GBE1: variants seen among roughly 807,000 people sequenced by gnomAD.
The protein encoded by GBE1 is 1,4-alpha-glucan branching enzyme 1, also known as 1,4-alpha-glucan-branching enzyme.
In GBE1, 70 loss-of-function variants were observed where a neutral mutation model predicts 88.8. That is an observed-to-expected ratio of 0.79 (90% CI 0.65 to 0.96). The LOEUF (loss-of-function observed/expected upper bound fraction) is 0.96, where lower values mean the gene tolerates loss of function less well. Among genes scored for constraint, GBE1 ranks in the 40% least tolerant of loss-of-function variants. The pLI is 0.00. For synonymous variants in GBE1, 284 were observed against 300.1 expected (o/e 0.95, Z 0.56); for missense variants, 872 against 871.0 (o/e 1.00, Z -0.01).
At chr3:81,649,034 T>G (rs1177953729) in intron 4 of GBE1, 43 bp from the exon 5 acceptor site, 1 of 1,338,002 alleles carries the variant, frequency 7.5e-7, no homozygotes. Flanking sequence ...CCAGGAATTC[T>G]GGTATGACAC....
intron 12 of GBE1, among the ~76,000 whole-genome samples, chr3:81,555,509 T>C (rs1361421904): frequency 6.6e-6 from 1 of 152,232 alleles, no homozygotes; most frequent in African/African-American, 2.4e-5. Context: ...ATTTTTGTCA[T>C]ATCTAACAGT....
At chr3:81,570,110 T>A (rs746051938) in intron 12 of GBE1, among the ~76,000 whole-genome samples, 3 of 152,168 alleles carry the variant, frequency 2.0e-5, no homozygotes, top group Non-Finnish European at 4.4e-5. Context: ...ATGACTGGCC[T>A]GCTTACTTAT....
chr3:81,632,750 AAAG>A (rs1205158816), intron 7 of GBE1, among the ~76,000 whole-genome samples: 1 of 152,162 alleles, frequency 6.6e-6, no homozygotes, highest in Non-Finnish European at 1.5e-5. Flanking sequence ...GGCATCTTAA[AAAG>A]AAATTTTGAA....
At chr3:81,750,657 A>ATG (rs1320935649) in intron 1 of GBE1, among the ~76,000 whole-genome samples, 35 of 45,942 alleles carry the variant, frequency 7.6e-4, no homozygotes, top group Non-Finnish European at 1.1e-3. Context: ...ATATATATAT[A>ATG]TGTATATATA....
intron 1 of GBE1, among the ~76,000 whole-genome samples, chr3:81,716,218 A>G (rs1705934973): frequency 6.6e-6 from 1 of 152,200 alleles, no homozygotes; most frequent in South Asian, 2.1e-4. Context: ...TCTAAAGTTA[A>G]GTGCAATGAA....
At chr3:81,566,462 A>G (rs1222473236) in intron 12 of GBE1, among the ~76,000 whole-genome samples, 2 of 152,084 alleles carry the variant, frequency 1.3e-5, no homozygotes, top group Non-Finnish European at 2.9e-5. Flanking sequence ...CAGGTGCCTG[A>G]CAAAACTACA....
chr3:81,644,893 C>G (rs11707026), intron 6 of GBE1, among the ~76,000 whole-genome samples: 1 of 151,706 alleles, frequency 6.6e-6, no homozygotes, highest in South Asian at 2.1e-4. Context: ...TAATAGCTAG[C>G]GTGTAGGGAG....
chr3:81,569,664 G>C (rs904590891), intron 12 of GBE1, among the ~76,000 whole-genome samples: 1 of 152,214 alleles, frequency 6.6e-6, no homozygotes, highest in Admixed American at 6.5e-5. Context: ...TGTTAATGGA[G>C]AAAACTAGCA....
At chr3:81,510,189 T>A (rs551564226) in intron 14 of GBE1, among the ~76,000 whole-genome samples, 2 of 152,196 alleles carry the variant, frequency 1.3e-5, no homozygotes, top group South Asian at 4.1e-4. Flanking sequence ...GGCCAGAATA[T>A]GCTCTTAGGT....
chr3:81,545,614 A>ATGTGTGTGTGTGTGTGTGTGTG (rs3083686), intron 12 of GBE1, among the ~76,000 whole-genome samples: 1 of 149,648 alleles, frequency 6.7e-6, no homozygotes, highest in African/African-American at 2.5e-5. Context: ...TATCAAGCAT[A>ATGTGTGTGTGTGTGTGTGTGTG]TGTGTGTGTG....
chr3:81,619,094 G>A lies in GBE1; in HGVS notation c.992+23687C>T, dbSNP rs139824864. On this transcript the variant is annotated intron_variant, in intron 7 of 15. Transcript: ENST00000429644. ...ATTTTCATTCACTTATTTTTAAAAC[G>A]GTATCTCTGGTAAAATCATCAATAA... Among the ~76,000 whole-genome samples the A allele has an allele frequency of 6.0e-3, 908 of 151,922 alleles. 5 individuals carry two copies. Among genetic ancestry groups the A allele is most frequent in the African/African-American group, 0.021 (870 of 41,466 alleles).
At chr3:81,738,203 CA>C (rs1229957128) in intron 1 of GBE1, among the ~76,000 whole-genome samples, 2 of 151,638 alleles carry the variant, frequency 1.3e-5, no homozygotes, top group Admixed American at 1.3e-4. Context: ...AATAGTGCCG[CA>C]ATAAACATAC....
intron 14 of GBE1, among the ~76,000 whole-genome samples, chr3:81,509,247 T>C (rs1445576213): frequency 6.6e-6 from 1 of 151,458 alleles, no homozygotes; most frequent in Non-Finnish European, 1.5e-5. Context: ...ATACAGTACA[T>C]AGAACTCTTT....
chr3:81,725,657 A>G (rs1005087758), intron 1 of GBE1, among the ~76,000 whole-genome samples: 3 of 152,230 alleles, frequency 2.0e-5, no homozygotes, highest in African/African-American at 7.2e-5. Context: ...CTACTTTTAT[A>G]TGACTGGGAG....
intron 12 of GBE1, among the ~76,000 whole-genome samples, chr3:81,566,564 A>T (rs148393045): frequency 6.5e-4 from 99 of 152,302 alleles, no homozygotes; most frequent in Middle Eastern, 3.4e-3. Context: ...TCTAACGAAC[A>T]TGCAATATTA....
At chr3:81,708,984 C>A (rs112514472) in intron 1 of GBE1, among the ~76,000 whole-genome samples, 18 of 152,210 alleles carry the variant, frequency 1.2e-4, no homozygotes, top group Non-Finnish European at 2.4e-4. Flanking sequence ...TGACCCCACA[C>A]AAGAAACACA....
chr3:81,519,300 G>A (rs1206498646), intron 14 of GBE1, among the ~76,000 whole-genome samples: 1 of 151,418 alleles, frequency 6.6e-6, no homozygotes, highest in Non-Finnish European at 1.5e-5. Flanking sequence ...ACTATCTCAG[G>A]TCAAATTCAA....
chr3:81,638,702 C>G (rs529904786), intron 7 of GBE1, among the ~76,000 whole-genome samples: 1 of 152,062 alleles, frequency 6.6e-6, no homozygotes, highest in Non-Finnish European at 1.5e-5. Context: ...ATGGGCAGCT[C>G]CTGATTGGAA....
intron 12 of GBE1, among the ~76,000 whole-genome samples, chr3:81,545,614 A>ATGTGTGTATGTG (rs142972619): frequency 6.7e-6 from 1 of 149,648 alleles, no homozygotes; most frequent in Non-Finnish European, 1.5e-5. Context: ...TATCAAGCAT[A>ATGTGTGTATGTG]TGTGTGTGTG....
Sources: allele counts gnomAD v4.1 joint callset (sites outside exome capture counted in the v4.1 genomes callset), GRCh38; gene constraint gnomAD v4.1.1; transcripts MANE v1.5; gene names NCBI Gene and HGNC (gene_info 2026-07-23, HGNC 2026-07-21).